The following FANCI variants were observed in gnomAD, a reference collection of about 807,000 sequenced individuals.
The protein encoded by FANCI is Fanconi anemia group I protein.
Under a neutral mutation model 176.1 loss-of-function variants are expected in FANCI, and 156 were observed. The ratio of observed to expected loss-of-function variants is 0.89; its 90% CI spans 0.78 to 1.01. The LOEUF (loss-of-function observed/expected upper bound fraction) is 1.01. FANCI is among the 50% of genes least tolerant of loss of function. The pLI is 0.00. For missense variants in FANCI, 1,678 were observed against 1,534.1 expected (o/e 1.09, Z -1.57); for synonymous variants, 613 against 541.7 (o/e 1.13, Z -1.83).
rs2055272700 is a variant in FANCI, at chr15:89,316,576, C to A, written c.*117C>A. 4.3e-5 allele frequency: 49 copies of A among 1,138,264 alleles called. 1 individual carries two copies. The South Asian group carries it at 6.4e-4, about 15-fold the overall frequency. The allele number at this position is 1,138,264 out of a possible 1,614,324, so 70.5% of individuals were successfully genotyped here. On this transcript the variant is annotated 3_prime_UTR_variant, in exon 38 of 38. Transcript: ENST00000310775. ...TGTTGGCATCTTGGTTCTGAACCCA[C>A]TGAATTCAACTGCACCTTCAGTTAG...
chr15:89,317,211 ACATT>A (rs1343054823), downstream of FANCI: 17 of 662,788 alleles, frequency 2.6e-5, no homozygotes, highest in Non-Finnish European at 4.0e-5. Context: ...ACATCATATC[ACATT>A]CACTCTGGAC....
intron 36 of FANCI, 57 bp downstream of exon 36, chr15:89,314,764 C>A: frequency 3.2e-6 from 4 of 1,266,332 alleles, no homozygotes; most frequent in Admixed American, 1.7e-5. Flanking sequence ...ACAGATCTGG[C>A]AAACTGAAGC....
At chr15:89,314,118 G>GACACACATAT (rs1555451225) in intron 35 of FANCI, among the ~76,000 whole-genome samples, 2 of 145,860 alleles carry the variant, frequency 1.4e-5, no homozygotes, top group Non-Finnish European at 3.0e-5. Flanking sequence ...TAGGAGGAAA[G>GACACACATAT]ACACACACAC....
intron 26 of FANCI, among the ~76,000 whole-genome samples, chr15:89,300,797 T>C (rs987827252): frequency 2.0e-5 from 3 of 151,152 alleles, no homozygotes; most frequent in African/African-American, 7.3e-5. Context: ...ATCACAGGAG[T>C]TTTTTATTTA....
chr15:89,308,045 C>T (rs553968587), intron 34 of FANCI: 297 of 1,163,188 alleles, frequency 2.6e-4, no homozygotes, highest in African/African-American at 3.7e-4. Flanking sequence ...TGTGATGAGA[C>T]GGCAGTGCAG....
rs1555448225 is a variant in FANCI at position 89,295,743 on chromosome 15, CTT to C, written c.2636+659_2636+660del. Among the ~76,000 whole-genome samples, 317 of 127,426 alleles carry C rather than the reference CTT, an allele frequency of 2.5e-3. 7 individuals are homozygous for C. Among genetic ancestry groups the C allele is most frequent in the East Asian group, 0.016 (70 of 4,378 alleles). 83.6% of individuals were successfully genotyped at this position (127,426 alleles called of 152,430 possible). A position where few individuals can be genotyped will look rare whatever the true frequency, so the allele number is the denominator to read the frequency against. The stretch of plus-strand genomic sequence containing the variant: ...TGCCTTCCCCTGGCGCCCCCCCCAC[CTT>C]TTTTTTTTTGTTGTTGTTGTTGTTT... On this transcript the variant is annotated intron_variant, in intron 24 of 37. Transcript: ENST00000310775.
At chr15:89,273,197 G>A (rs1251513285) in intron 10 of FANCI, among the ~76,000 whole-genome samples, 180 bp from the exon 11 acceptor site, 2 of 151,588 alleles carry the variant, frequency 1.3e-5, no homozygotes, top group East Asian at 1.9e-4. Context: ...CCAGCTACTT[G>A]GGAGGCTAAG....
In FANCI at chr15:89,285,155, G is replaced by A; in HGVS notation, c.1758G>A (p.Glu586=). 6 of 1,614,184 alleles carry A rather than the reference G, an allele frequency of 3.7e-6. No individual in the cohort carries two copies. The highest frequency in any genetic ancestry group is 5.1e-6 in the Non-Finnish European group (6 of 1,180,038). ...TCGCCAATGAAACTTTTTGCCTTGA[G>A]ATCATGGATAGTTTGAGGAGATGCT... The part of the protein sequence containing the change: ...NSVANETFCL[E]IMDSLRRCLS... The change falls in exon 18 of 38, where the codon GAG becomes GAA. Residue 586 remains glutamate, a synonymous_variant. Transcript: ENST00000310775.
chr15:89,288,715 C>G (rs1483605119), intron 18 of FANCI, among the ~76,000 whole-genome samples: 1 of 151,410 alleles, frequency 6.6e-6, no homozygotes, highest in African/African-American at 2.4e-5. Flanking sequence ...AGCTCCTAGG[C>G]TCAAATAATC....
At chr15:89,287,873 C>G (rs189927538) in intron 18 of FANCI, among the ~76,000 whole-genome samples, 23 of 150,672 alleles carry the variant, frequency 1.5e-4, no homozygotes, top group African/African-American at 5.5e-4. Context: ...TATATAGACA[C>G]AATTCGTGAC....
chr15:89,293,619 C>T (rs900822176), intron 22 of FANCI, among the ~76,000 whole-genome samples: 3 of 152,034 alleles, frequency 2.0e-5, no homozygotes, highest in South Asian at 2.1e-4. Context: ...GCCTGGGAGG[C>T]GGAGGTTGCA....
At chr15:89,314,783 T>A in intron 36 of FANCI, 76 bp downstream of exon 36, 1 of 950,656 alleles carries the variant, frequency 1.1e-6, no homozygotes, top group Non-Finnish European at 1.6e-6. Context: ...GCAGCACAAC[T>A]ACAATGGAGG....
intron 23 of FANCI, among the ~76,000 whole-genome samples, chr15:89,294,641 A>T (rs2054185238): frequency 2.8e-5 from 2 of 72,494 alleles, no homozygotes; most frequent in Admixed American, 1.4e-4. Context: ...GGACAAAAAA[A>T]AACCTAAAAG....
chr15:89,305,842 A>G, intron 31 of FANCI, 144 bp downstream of exon 31: 3 of 1,098,026 alleles, frequency 2.7e-6, no homozygotes, highest in Middle Eastern at 2.6e-4. Context: ...TGAAAGAAGT[A>G]GAAGATCATA....
At chr15:89,244,975 T>TA (rs2051880025) in intron 1 of FANCI, among the ~76,000 whole-genome samples, 1 of 152,168 alleles carries the variant, frequency 6.6e-6, no homozygotes, top group African/African-American at 2.4e-5. Context: ...GTGCTGGAGA[T>TA]ACAATGATAA....
chr15:89,281,065 T>C, intron 14 of FANCI, 105 bp from the exon 15 acceptor site: 1 of 1,207,276 alleles, frequency 8.3e-7, no homozygotes, highest in Non-Finnish European at 1.2e-6. Context: ...CTTGACTTAT[T>C]TGAGAAAGGA....
rs1158042647 is a variant in FANCI, at chr15:89,274,157, CTA to C, written c.976-8_976-7del. 1 of 1,531,592 alleles carries C rather than the reference CTA, an allele frequency of 6.5e-7. No homozygotes were observed. 94.9% of individuals were successfully genotyped at this position (1,531,592 alleles called of 1,614,324 possible). Reference sequence around the variant, plus strand: ...TTATTTTTTCATTTATTTTTATTAACTATACTCAAGGTGCTTGATCTTTTAAA... The same window carrying C: ...TTATTTTTTCATTTATTTTTATTAACTACTCAAGGTGCTTGATCTTTTAAA... On this transcript the variant is annotated splice_polypyrimidine_tract_variant and intron_variant, in intron 11 of 37. Coordinates refer to ENST00000310775, the MANE Select transcript of FANCI (RefSeq NM_001113378.2).
chr15:89,260,602 G>T, intron 3 of FANCI, 111 bp from the exon 4 acceptor site: 1 of 1,400,438 alleles, frequency 7.1e-7, no homozygotes, highest in Non-Finnish European at 1.0e-6. Context: ...GTAGTAATCA[G>T]TCGTTTGATA....
At chr15:89,259,764 A>G (rs1427746342) in intron 3 of FANCI, among the ~76,000 whole-genome samples, 1 of 152,174 alleles carries the variant, frequency 6.6e-6, no homozygotes, top group Non-Finnish European at 1.5e-5. Flanking sequence ...GTCCTTTGTG[A>G]CTGACTTCTT....
Sources: gnomAD v4.1 joint callset for allele counts (sites outside exome capture counted in the v4.1 genomes callset) on GRCh38, gnomAD v4.1.1 for gene constraint, MANE v1.5 for transcripts, NCBI Gene and HGNC (gene_info 2026-07-23, HGNC 2026-07-21) for gene names.